Variants in DOCK7 observed in about 807,000 individuals in gnomAD.
DOCK7 encodes the protein dedicator of cytokinesis 7, also known as dedicator of cytokinesis protein 7.
In DOCK7, 138 loss-of-function variants were observed where a neutral mutation model predicts 271.0. That is an observed-to-expected ratio of 0.51 (90% CI 0.44 to 0.59). The LOEUF (loss-of-function observed/expected upper bound fraction) is 0.59. Among genes scored for constraint, DOCK7 ranks in the 20% least tolerant of loss-of-function variants. The probability of loss-of-function intolerance (pLI) is 0.00; values close to 1 mark genes in which losing one functional copy is unlikely to be tolerated. For synonymous variants in DOCK7, 823 were observed against 876.1 expected, an observed-to-expected ratio of 0.94 and a Z score of 1.07; for missense variants, 2,066 against 2,592.4, an observed-to-expected ratio of 0.80 and a Z score of 4.41.
At chr1:62,509,471 A>T (rs1024002759) in intron 34 of DOCK7, among the ~76,000 whole-genome samples, 36 of 152,130 alleles carry the variant, frequency 2.4e-4, no homozygotes, top group Admixed American at 2.4e-3. Flanking sequence ...CCCTCAAAAC[A>T]CAGCAAGATA....
chr1:62,466,944 A>G (rs560569753), intron 48 of DOCK7, among the ~76,000 whole-genome samples: 1 of 151,830 alleles, frequency 6.6e-6, no homozygotes, highest in African/African-American at 2.4e-5. Context: ...ACAAAAAAAA[A>G]CAAAAAACAA....
At chr1:62,578,719 A>AC in intron 17 of DOCK7, 109 bp downstream of exon 17, 1 of 533,104 alleles carries the variant, frequency 1.9e-6, no homozygotes, top group Non-Finnish European at 2.6e-6. Context: ...CTCTGTCTCA[A>AC]AAAAAAAAAA....
chr1:62,512,602 C>A (rs1644519920), intron 33 of DOCK7, among the ~76,000 whole-genome samples: 1 of 151,902 alleles, frequency 6.6e-6, no homozygotes, highest in South Asian at 2.1e-4. Flanking sequence ...CATATTAATT[C>A]ATTTTGCAAA....
intron 14 of DOCK7, chr1:62,601,342 A>C: frequency 1.5e-6 from 1 of 647,212 alleles, no homozygotes; most frequent in Non-Finnish European, 2.8e-6. Context: ...TTCTTTTTAC[A>C]CCCTATAAAA....
At chr1:62,686,555 T>A (rs986860582) in intron 1 of DOCK7, among the ~76,000 whole-genome samples, 7 of 151,938 alleles carry the variant, frequency 4.6e-5, no homozygotes, top group Non-Finnish European at 8.8e-5. Context: ...AAAAAAAAAA[T>A]TTCCTGTCAT....
At chr1:62,521,104 G>T (rs554809660) in intron 31 of DOCK7, among the ~76,000 whole-genome samples, 1 of 152,022 alleles carries the variant, frequency 6.6e-6, no homozygotes, top group South Asian at 2.1e-4. Flanking sequence ...GCCTGTCAGG[G>T]GGTAGGGGGG....
chr1:62,670,299 A>G (rs2149739834), intron 1 of DOCK7, among the ~76,000 whole-genome samples: 2 of 152,382 alleles, frequency 1.3e-5, no homozygotes, highest in South Asian at 4.1e-4. Flanking sequence ...ACTGGCAGGC[A>G]GCTCCACCTG....
At chr1:62,647,600 C>A in intron 7 of DOCK7, 91 bp downstream of exon 7, 1 of 836,600 alleles carries the variant, frequency 1.2e-6, no homozygotes, top group East Asian at 2.5e-5. Context: ...GACACAAATG[C>A]AACTATAAAA....
At chr1:62,477,668 G>C (rs770710854) in intron 44 of DOCK7, 32 bp downstream of exon 44, 89 of 1,552,918 alleles carry the variant, frequency 5.7e-5, no homozygotes, top group Non-Finnish European at 7.4e-5. Flanking sequence ...ACAAACTAAA[G>C]ATGACATTTT....
chr1:62,554,839 A>G (rs921768233), intron 21 of DOCK7, among the ~76,000 whole-genome samples: 1 of 152,240 alleles, frequency 6.6e-6, no homozygotes, highest in African/African-American at 2.4e-5. Context: ...AGGAAATTAT[A>G]AACCAGAATA....
At chr1:62,672,613 C>G (rs974281348) in intron 1 of DOCK7, among the ~76,000 whole-genome samples, 2 of 152,082 alleles carry the variant, frequency 1.3e-5, no homozygotes, top group Non-Finnish European at 2.9e-5. Flanking sequence ...AAGATTATCA[C>G]TAGAATGTAA....
At chr1:62,480,128 TA>T in intron 43 of DOCK7, among the ~76,000 whole-genome samples, 1 of 152,204 alleles carries the variant, frequency 6.6e-6, no homozygotes, top group Non-Finnish European at 1.5e-5. Context: ...TCAATCTTCA[TA>T]TGACAGTAAT....
chr1:62,512,133 CATA>C (rs1644506245), intron 33 of DOCK7, among the ~76,000 whole-genome samples: 1 of 152,094 alleles, frequency 6.6e-6, no homozygotes, highest in Admixed American at 6.5e-5. Flanking sequence ...TATTACAAAA[CATA>C]GTATATAAAT....
intron 8 of DOCK7, chr1:62,635,415 T>C (rs1405584259): frequency 3.9e-5 from 6 of 152,500 alleles, no homozygotes; most frequent in South Asian, 2.1e-4. Context: ...CAGGCGCCTA[T>C]AGTCCCAGCT....
intron 22 of DOCK7, among the ~76,000 whole-genome samples, chr1:62,550,455 G>A (rs890779902): frequency 2.0e-5 from 3 of 152,114 alleles, no homozygotes; most frequent in Admixed American, 6.5e-5. Context: ...GAGGTGTTAG[G>A]AGGTTTGAGG....
chr1:62,457,755 G>A (rs1350471900), intron 48 of DOCK7, 50 bp from the exon 49 acceptor site: 2 of 1,569,526 alleles, frequency 1.3e-6, no homozygotes, highest in South Asian at 1.2e-5. Flanking sequence ...ATAGTTTGTG[G>A]GTTTAATGCC....
At position 62,631,563 on chromosome 1, in the gene DOCK7, T is replaced by C. The variant is rs1571839837; in HGVS notation, c.1117-158A>G. Among the ~76,000 whole-genome samples, 3 of 152,314 alleles carry C rather than the reference T, an allele frequency of 2.0e-5. No homozygotes were observed. In the East Asian group the frequency reaches 5.8e-4, roughly 29 times the overall value. On this transcript the variant is annotated intron_variant, in intron 10 of 49. Coordinates refer to ENST00000635253, the MANE Select transcript of DOCK7 (RefSeq NM_001367561.1). The stretch of plus-strand genomic sequence containing the variant: ...ACAGAGATGAAGTATTAGTGCAATA[T>C]CTTAACCAGTGAACAAACTCAACAC...
chr1:62,647,625 G>T, intron 7 of DOCK7, 66 bp downstream of exon 7: 1 of 1,101,600 alleles, frequency 9.1e-7, no homozygotes, highest in Non-Finnish European at 1.3e-6. Context: ...CTCAGATTTT[G>T]TTACATCACT....
intron 34 of DOCK7, among the ~76,000 whole-genome samples, chr1:62,508,401 AAAC>A (rs1322928416): frequency 6.6e-6 from 1 of 152,246 alleles, no homozygotes; most frequent in East Asian, 1.9e-4. Context: ...GCTTCATGGA[AAAC>A]AACATTCAAA....
Sources: gnomAD v4.1 joint callset for allele counts (sites outside exome capture counted in the v4.1 genomes callset) on GRCh38, gnomAD v4.1.1 for gene constraint, MANE v1.5 for transcripts, NCBI Gene and HGNC (gene_info 2026-07-23, HGNC 2026-07-21) for gene names.